Variants in PHACTR4 observed in about 807,000 individuals in gnomAD.
PHACTR4 encodes protein phosphatase 1, regulatory subunit 124.
In PHACTR4, 51 loss-of-function variants were observed where a neutral mutation model predicts 72.7. The observed-to-expected ratio is 0.70, with a 90% CI of 0.56 to 0.89. PHACTR4 has a LOEUF of 0.89. Ranked by LOEUF, PHACTR4 falls within the 40% of genes least tolerant of loss-of-function variation. PHACTR4 has a pLI of 0.00. For missense variants in PHACTR4, 731 were observed against 861.8 expected (o/e 0.85, Z 1.90); for synonymous variants, 255 against 302.5 (o/e 0.84, Z 1.63).
chr1:28,413,438 C>T (rs1186056899), intron 2 of PHACTR4, among the ~76,000 whole-genome samples: 11 of 152,116 alleles, frequency 7.2e-5, no homozygotes, highest in Admixed American at 6.5e-4. Flanking sequence ...TGCTTCTTTC[C>T]TGTGTTAGCT....
chr1:28,442,875 A>G (rs1456100559), intron 2 of PHACTR4, among the ~76,000 whole-genome samples: 1 of 152,086 alleles, frequency 6.6e-6, no homozygotes, highest in Non-Finnish European at 1.5e-5. Context: ...CATATGTATG[A>G]TGTGATTAGA....
intron 6 of PHACTR4, among the ~76,000 whole-genome samples, chr1:28,468,320 G>T (rs961687837): frequency 6.6e-6 from 1 of 152,230 alleles, no homozygotes; most frequent in Non-Finnish European, 1.5e-5. Context: ...GCCAGGCGCA[G>T]TGGCTCATGC....
chr1:28,453,726 A>T, intron 2 of PHACTR4: 1 of 1,194,230 alleles, frequency 8.4e-7, no homozygotes, highest in African/African-American at 1.5e-5. Flanking sequence ...GAGGTTCTTC[A>T]GTTAGATCCT....
At position 28,455,198 on chromosome 1, in the gene PHACTR4, CTTTTTT is replaced by C. The variant is rs139479738; in HGVS notation, c.17-3872_17-3867del. On this transcript the variant is annotated intron_variant, in intron 2 of 13. Transcript: ENST00000373839. Reference sequence around the variant, plus strand: ...TTTTTCTTTTTCTTTTTCTTTCTTTCTTTTTTTTTTTTTTTTTTTTGAGACAGAGTT... The same window carrying C: ...TTTTTCTTTTTCTTTTTCTTTCTTTCTTTTTTTTTTTTTTGAGACAGAGTT... 1.3e-4 allele frequency among the ~76,000 whole-genome samples: 11 copies of C among 85,962 alleles called. No individual in the cohort carries two copies. In the South Asian group the frequency reaches 3.3e-3, roughly 26 times the overall value. The allele number at this position is 85,962 out of a possible 152,430, so 56.4% of individuals were successfully genotyped here.
At chr1:28,484,784 G>A (rs1354782769) in intron 9 of PHACTR4, among the ~76,000 whole-genome samples, 1 of 151,778 alleles carries the variant, frequency 6.6e-6, no homozygotes, top group Non-Finnish European at 1.5e-5. Context: ...TGGCTAACAC[G>A]GTGAAACCCC....
In PHACTR4 at chr1:28,496,902, A is replaced by G. The variant is rs780412760; in HGVS notation, c.*353A>G. Reference sequence around the variant, plus strand: ...CTGCCTGTGCAGAGACACAGTTTGCACCATTAGCCTTACCTGCCCTGCCCT... The same window carrying G: ...CTGCCTGTGCAGAGACACAGTTTGCGCCATTAGCCTTACCTGCCCTGCCCT... On this transcript the variant is annotated 3_prime_UTR_variant, in exon 14 of 14. Transcript: ENST00000373839. 1.1e-5 allele frequency: 4 copies of G among 362,734 alleles called. No homozygotes were observed. The highest frequency in any genetic ancestry group is 2.1e-5 in the Non-Finnish European group (4 of 194,436). The allele number at this position is 362,734 out of a possible 1,614,324, so 22.5% of individuals were successfully genotyped here. A position where few individuals can be genotyped will look rare whatever the true frequency, so the allele number is the denominator to read the frequency against.
intron 1 of PHACTR4, among the ~76,000 whole-genome samples, chr1:28,398,930 G>T (rs552032779): frequency 6.6e-4 from 100 of 152,224 alleles, no homozygotes; most frequent in Middle Eastern, 3.4e-3. Context: ...CATCCTACTG[G>T]TTCTGTTTCT....
At chr1:28,481,498 A>G (rs1660278228) in intron 9 of PHACTR4, 1 of 152,174 alleles carries the variant, frequency 6.6e-6, no homozygotes, top group Non-Finnish European at 1.5e-5. Flanking sequence ...AAGAAAAAGA[A>G]AAGAAAAGAG....
intron 4 of PHACTR4, among the ~76,000 whole-genome samples, chr1:28,463,694 A>G (rs757438055): frequency 2.0e-5 from 3 of 152,132 alleles, no homozygotes; most frequent in Non-Finnish European, 4.4e-5. Context: ...CACTTGCCTT[A>G]GAATCTTCAT....
At chr1:28,476,969 C>G (rs1301705329) in intron 8 of PHACTR4, among the ~76,000 whole-genome samples, 1 of 150,862 alleles carries the variant, frequency 6.6e-6, no homozygotes, top group Non-Finnish European at 1.5e-5. Flanking sequence ...GGGGCTTCAC[C>G]ATGTTGGTCA....
At chr1:28,387,665 T>C (rs1034801357) in intron 1 of PHACTR4, among the ~76,000 whole-genome samples, 2 of 152,044 alleles carry the variant, frequency 1.3e-5, no homozygotes, top group African/African-American at 4.8e-5. Context: ...GGCTGGAGGA[T>C]TGCCTGAGGC....
At chr1:28,448,518 C>G (rs1000464507) in intron 2 of PHACTR4, among the ~76,000 whole-genome samples, 1 of 149,190 alleles carries the variant, frequency 6.7e-6, no homozygotes, top group Non-Finnish European at 1.5e-5. Context: ...TGTGGGAGGC[C>G]GAGGAGGGCG....
chr1:28,453,445 C>A, intron 2 of PHACTR4: 1 of 305,870 alleles, frequency 3.3e-6, no homozygotes, highest in Non-Finnish European at 6.0e-6. Context: ...AGTTGAATCG[C>A]CTGATGTGAT....
chr1:28,489,316 C>G, intron 10 of PHACTR4, 91 bp downstream of exon 10: 1 of 1,104,778 alleles, frequency 9.1e-7, no homozygotes, highest in Non-Finnish European at 1.3e-6. Flanking sequence ...GCGTTTGCTA[C>G]AAGGGCTAAG....
chr1:28,433,607 G>GCCAC (rs1656433113), intron 2 of PHACTR4, among the ~76,000 whole-genome samples: 1 of 150,708 alleles, frequency 6.6e-6, no homozygotes, highest in Admixed American at 6.6e-5. Flanking sequence ...ACAGGTGCCA[G>GCCAC]CCACCACACC....
intron 2 of PHACTR4, among the ~76,000 whole-genome samples, chr1:28,433,256 A>G (rs756938558): frequency 1.3e-5 from 2 of 152,114 alleles, no homozygotes; most frequent in African/African-American, 2.4e-5. Flanking sequence ...ATGGAAGACT[A>G]AAATGAACTC....
intron 1 of PHACTR4, among the ~76,000 whole-genome samples, chr1:28,394,205 T>A (rs1200172149): frequency 6.7e-6 from 1 of 148,308 alleles, no homozygotes; most frequent in Non-Finnish European, 1.5e-5. Context: ...AGGCCTAGGC[T>A]AATGTGTTGT....
At chr1:28,407,568 A>AGAATATGAAAAATGG in intron 2 of PHACTR4, 105 bp downstream of exon 2, 2 of 928,964 alleles carry the variant, frequency 2.2e-6, no homozygotes, top group South Asian at 3.1e-5. Context: ...TCAGTATGCT[A>AGAATATGAAAAATGG]CTCTCTAGAA....
At chr1:28,419,317 A>G (rs1655347132) in intron 2 of PHACTR4, among the ~76,000 whole-genome samples, 1 of 151,980 alleles carries the variant, frequency 6.6e-6, no homozygotes, top group South Asian at 2.1e-4. Context: ...TCAAATCTAT[A>G]AATATATTGA....
Sources: gnomAD v4.1 joint callset for allele counts (sites outside exome capture counted in the v4.1 genomes callset) on GRCh38, gnomAD v4.1.1 for gene constraint, MANE v1.5 for transcripts, NCBI Gene and HGNC (gene_info 2026-07-23, HGNC 2026-07-21) for gene names.